LINGO2: variants seen among roughly 807,000 people sequenced by gnomAD.
LINGO2 encodes the protein leucine-rich repeat and immunoglobulin-like domain-containing nogo receptor-interacting protein 2.
Under a neutral mutation model 30.6 loss-of-function variants are expected in LINGO2, and 14 were observed. The observed-to-expected ratio is 0.46, with a 90% CI of 0.30 to 0.72. The LOEUF is 0.72. Ranked by LOEUF, LINGO2 falls within the 30% of genes least tolerant of loss-of-function variation. The pLI is 0.07. For synonymous variants in LINGO2, 317 were observed against 288.5 expected, an observed-to-expected ratio of 1.10 and a Z score of -1.00; for missense variants, 729 against 751.7, an observed-to-expected ratio of 0.97 and a Z score of 0.35.
chr9:29,015,358 C>T, the LINGO2 span, among the ~76,000 whole-genome samples: 1 of 152,128 alleles, frequency 6.6e-6, no homozygotes, highest in Non-Finnish European at 1.5e-5. Flanking sequence ...GAGCATTCAA[C>T]ACTTGCTTTC....
At chr9:29,003,917 T>C in the LINGO2 span, among the ~76,000 whole-genome samples, 1 of 152,040 alleles carries the variant, frequency 6.6e-6, no homozygotes, top group African/African-American at 2.4e-5. Context: ...CCTGGAACAA[T>C]CTCCCTGATA....
At chr9:29,155,469 A>T in the LINGO2 span, among the ~76,000 whole-genome samples, 2 of 151,912 alleles carry the variant, frequency 1.3e-5, no homozygotes, top group South Asian at 4.2e-4. Flanking sequence ...CTCTCCCACA[A>T]GTTTCCAGGG....
chr9:28,592,715 C>T (rs1340981678), intron 1 of LINGO2, among the ~76,000 whole-genome samples: 2 of 151,862 alleles, frequency 1.3e-5, no homozygotes, highest in Non-Finnish European at 2.9e-5. Flanking sequence ...ACAGACCAAC[C>T]CTTGGAGAAA....
rs72724953 is a variant in LINGO2 at position 28,045,304 on chromosome 9, G to T, written c.-86-32899C>A. Among the ~76,000 whole-genome samples, 122 of 152,182 alleles carry T rather than the reference G, an allele frequency of 8.0e-4. 1 individual carries two copies. The highest frequency in any genetic ancestry group is 1.3e-3 in the Non-Finnish European group (88 of 68,010). ...ATTTTTAACCTCACCCTGACAGAGGGAGAGTTAAACTTTGAGTATTTTATA... is the reference window on the plus strand; with the variant it reads ...ATTTTTAACCTCACCCTGACAGAGGTAGAGTTAAACTTTGAGTATTTTATA... On this transcript the variant is annotated intron_variant, in intron 4 of 5. Coordinates refer to ENST00000379992, the Ensembl canonical transcript of LINGO2.
the LINGO2 span, among the ~76,000 whole-genome samples, chr9:28,951,957 T>A: frequency 1.3e-5 from 2 of 152,134 alleles, no homozygotes; most frequent in African/African-American, 4.8e-5. Flanking sequence ...TCAACATCAC[T>A]GATCATTAGA....
At chr9:29,138,083 T>C in the LINGO2 span, among the ~76,000 whole-genome samples, 1 of 151,958 alleles carries the variant, frequency 6.6e-6, no homozygotes, top group Non-Finnish European at 1.5e-5. Flanking sequence ...CAAAGCCAAT[T>C]ACGGATTATA....
chr9:28,744,852 G>A, the LINGO2 span, among the ~76,000 whole-genome samples: 1 of 151,658 alleles, frequency 6.6e-6, no homozygotes, highest in South Asian at 2.1e-4. Flanking sequence ...GGACAGGATG[G>A]TCTCAATCTC....
At chr9:29,212,183 A>T in the LINGO2 span, among the ~76,000 whole-genome samples, 1 of 151,922 alleles carries the variant, frequency 6.6e-6, no homozygotes, top group African/African-American at 2.4e-5. Flanking sequence ...CCGGGTTCGG[A>T]CCTGCGTCCC....
At chr9:28,221,081 C>T (rs998892021) in intron 4 of LINGO2, among the ~76,000 whole-genome samples, 4 of 151,938 alleles carry the variant, frequency 2.6e-5, no homozygotes, top group East Asian at 1.9e-4. Flanking sequence ...GGGTGGATCA[C>T]GAGGTCAGGA....
the LINGO2 span, among the ~76,000 whole-genome samples, chr9:28,692,465 A>C: frequency 1.3e-5 from 2 of 152,036 alleles, no homozygotes; most frequent in Non-Finnish European, 2.9e-5. Context: ...AAAGATCAAA[A>C]CTCCGTCTCA....
chr9:28,609,491 A>G (rs1461605950), intron 1 of LINGO2, among the ~76,000 whole-genome samples: 1 of 152,012 alleles, frequency 6.6e-6, no homozygotes, highest in Non-Finnish European at 1.5e-5. Flanking sequence ...AATACAAATA[A>G]CCAATAAACA....
intron 4 of LINGO2, among the ~76,000 whole-genome samples, chr9:28,119,010 G>T (rs542298113): frequency 6.6e-6 from 1 of 151,666 alleles, no homozygotes; most frequent in Non-Finnish European, 1.5e-5. Context: ...TAGAGCCTGG[G>T]TTAAATATAA....
chr9:28,562,596 T>A (rs955623873), intron 1 of LINGO2, among the ~76,000 whole-genome samples: 2 of 151,888 alleles, frequency 1.3e-5, no homozygotes, highest in Admixed American at 6.6e-5. Flanking sequence ...CTAAAAGGGT[T>A]AGTGATGAGG....
At chr9:28,813,890 G>A in the LINGO2 span, among the ~76,000 whole-genome samples, 1 of 152,116 alleles carries the variant, frequency 6.6e-6, no homozygotes, top group Non-Finnish European at 1.5e-5. Flanking sequence ...CAGAAAAACT[G>A]CATTATGTAC....
At position 28,667,155 on chromosome 9, in the gene LINGO2, T is replaced by C. The variant is rs375444922; in HGVS notation, c.-365+3045A>G. Reference sequence around the variant, plus strand: ...GATCAAACAAACACACCAACTATTATCTCTAGAGTCAGTAGTCAATTATTC... The same window carrying C: ...GATCAAACAAACACACCAACTATTACCTCTAGAGTCAGTAGTCAATTATTC... On this transcript the variant is annotated intron_variant, in intron 1 of 5. Transcript: ENST00000379992. Among the ~76,000 whole-genome samples the C allele has an allele frequency of 2.0e-5, 3 of 152,284 alleles. No homozygotes were observed. The South Asian group carries it at 6.2e-4, about 32-fold the overall frequency.
intron 3 of LINGO2, among the ~76,000 whole-genome samples, chr9:28,351,178 A>G (rs1158956109): frequency 1.3e-5 from 2 of 151,098 alleles, no homozygotes; most frequent in African/African-American, 4.9e-5. Context: ...AAAGAGACAC[A>G]AAAAACCCTT....
chr9:28,552,590 G>T (rs892658960), intron 1 of LINGO2, among the ~76,000 whole-genome samples: 5 of 151,530 alleles, frequency 3.3e-5, no homozygotes, highest in African/African-American at 9.7e-5. Flanking sequence ...TGGTCACATG[G>T]TGAGTCTATT....
intron 4 of LINGO2, among the ~76,000 whole-genome samples, chr9:28,199,375 T>C (rs71512432): frequency 0.11 from 13,399 of 124,602 alleles, 1,669 homozygotes; most frequent in East Asian, 0.21. Context: ...AGTCTCGCTC[T>C]GTCGCCAGGC....
At chr9:29,175,824 C>G in the LINGO2 span, among the ~76,000 whole-genome samples, 1 of 152,096 alleles carries the variant, frequency 6.6e-6, no homozygotes, top group African/African-American at 2.4e-5. Flanking sequence ...ATGAGGACTT[C>G]AAAGGAAATA....
Sources: gnomAD v4.1 joint callset for allele counts (sites outside exome capture counted in the v4.1 genomes callset) on GRCh38, gnomAD v4.1.1 for gene constraint, MANE v1.5 for transcripts, NCBI Gene and HGNC (gene_info 2026-07-23, HGNC 2026-07-21) for gene names.